OPCML: variants seen among roughly 807,000 people sequenced by gnomAD.
OPCML encodes opioid-binding protein/cell adhesion molecule.
A neutral mutation model predicts 37.8 loss-of-function variants in OPCML; 13 were observed. The observed-to-expected ratio is 0.34, with a 90% CI of 0.22 to 0.55. The LOEUF (loss-of-function observed/expected upper bound fraction) is 0.55, where lower values mean the gene tolerates loss of function less well. OPCML is among the 20% of genes least tolerant of loss of function. The pLI is 0.91. For synonymous variants in OPCML, 176 were observed against 168.8 expected (o/e 1.04, Z -0.33); for missense variants, 341 against 435.6 (o/e 0.78, Z 1.93).
At chr11:133,389,624 T>A (rs1383570646) in intron 1 of OPCML, among the ~76,000 whole-genome samples, 2 of 152,218 alleles carry the variant, frequency 1.3e-5, no homozygotes, top group Non-Finnish European at 2.9e-5. Flanking sequence ...ATACTTTGTA[T>A]CTTATTGCAC....
At chr11:133,456,760 C>T (rs539490747) in intron 1 of OPCML, among the ~76,000 whole-genome samples, 12 of 148,544 alleles carry the variant, frequency 8.1e-5, no homozygotes, top group South Asian at 2.1e-4. Context: ...AATTCTGCAG[C>T]GTGGCTGTCC....
intron 1 of OPCML, among the ~76,000 whole-genome samples, chr11:133,377,320 A>G (rs1944827514): frequency 6.6e-6 from 1 of 152,142 alleles, no homozygotes; most frequent in Non-Finnish European, 1.5e-5. Context: ...CTCTCAGCTC[A>G]AGATGTTTCC....
At chr11:132,621,906 A>C (rs949764855) in intron 3 of OPCML, among the ~76,000 whole-genome samples, 1 of 152,230 alleles carries the variant, frequency 6.6e-6, no homozygotes, top group African/African-American at 2.4e-5. Flanking sequence ...TGTAGGAGAC[A>C]TGGAATACAT....
At chr11:133,232,631 A>G (rs1455364390) in intron 1 of OPCML, among the ~76,000 whole-genome samples, 1 of 152,196 alleles carries the variant, frequency 6.6e-6, no homozygotes, top group Admixed American at 6.5e-5. Flanking sequence ...CAGCACATGC[A>G]CACACACATG....
intron 2 of OPCML, among the ~76,000 whole-genome samples, chr11:132,699,716 G>A (rs780812798): frequency 2.0e-5 from 3 of 152,002 alleles, no homozygotes; most frequent in Non-Finnish European, 4.4e-5. Context: ...TATGATGTGT[G>A]ACTCTTTTAA....
At chr11:133,413,485 AAAT>A (rs1945694271) in intron 1 of OPCML, among the ~76,000 whole-genome samples, 1 of 146,252 alleles carries the variant, frequency 6.8e-6, no homozygotes, top group African/African-American at 2.5e-5. Context: ...TAATAATAAA[AAAT>A]AAATAAATAA....
At chr11:132,572,582 G>T (rs2096441187) in intron 3 of OPCML, among the ~76,000 whole-genome samples, 3 of 151,976 alleles carry the variant, frequency 2.0e-5, no homozygotes, top group African/African-American at 7.2e-5. Context: ...TTATTTCTGG[G>T]TTCTTTATTC....
chr11:132,691,486 T>G (rs940892902), intron 2 of OPCML, among the ~76,000 whole-genome samples: 4 of 152,236 alleles, frequency 2.6e-5, no homozygotes, highest in Non-Finnish European at 5.9e-5. Flanking sequence ...TCCTTCCCAG[T>G]AGGGTAGCCT....
Position 132,420,024 on chromosome 11 carries a change from C to T in OPCML, c.*169G>A. ...CACCCCGCCCCCAACCCCACTCATT[C>T]AAGCTGGAAATAAAAGCAAACAAAC... On this transcript the variant is annotated 3_prime_UTR_variant, in exon 8 of 8. Transcript: ENST00000524381. The T allele has an allele frequency of 2.8e-5, 8 of 288,602 alleles. No homozygotes were observed. Among genetic ancestry groups the T allele is most frequent in the South Asian group, 5.9e-5 (2 of 34,056 alleles). The allele number at this position is 288,602 out of a possible 1,614,324, so 17.9% of individuals were successfully genotyped here. A position where few individuals can be genotyped will look rare whatever the true frequency, so the allele number is the denominator to read the frequency against.
chr11:133,310,991 A>G (rs974741162), intron 1 of OPCML, among the ~76,000 whole-genome samples: 2 of 152,204 alleles, frequency 1.3e-5, no homozygotes, highest in African/African-American at 4.8e-5. Flanking sequence ...AGCTTACCTG[A>G]ATATTTTAGG....
chr11:132,454,823 G>C (rs1156597462), intron 4 of OPCML, among the ~76,000 whole-genome samples: 1 of 152,096 alleles, frequency 6.6e-6, no homozygotes, highest in Non-Finnish European at 1.5e-5. Flanking sequence ...TCTGCACACA[G>C]CCAGTATGCA....
chr11:133,163,286 C>T (rs558665032), intron 1 of OPCML, among the ~76,000 whole-genome samples: 5 of 152,204 alleles, frequency 3.3e-5, no homozygotes, highest in African/African-American at 9.6e-5. Flanking sequence ...TAAAACATTC[C>T]GAGACTCTGT....
chr11:133,273,391 C>A (rs1941906220), intron 1 of OPCML, among the ~76,000 whole-genome samples: 1 of 152,088 alleles, frequency 6.6e-6, no homozygotes, highest in Non-Finnish European at 1.5e-5. Context: ...TGGCACCCAC[C>A]AAACCACACT....
intron 2 of OPCML, among the ~76,000 whole-genome samples, chr11:132,912,879 G>C (rs376377644): frequency 6.6e-6 from 1 of 152,178 alleles, no homozygotes; most frequent in Non-Finnish European, 1.5e-5. Context: ...TGGGGACTTT[G>C]AAAACAACTT....
At chr11:132,439,680 C>G (rs148080580) in intron 4 of OPCML, among the ~76,000 whole-genome samples, 1 of 142,986 alleles carries the variant, frequency 7.0e-6, no homozygotes, top group Non-Finnish European at 1.5e-5. Flanking sequence ...ATCAAAATGA[C>G]GTTCCAGACA....
Position 133,099,025 on chromosome 11 carries a change from C to T in OPCML, c.62-156015G>A, listed in dbSNP as rs144977465. Among the ~76,000 whole-genome samples, 1,012 of 152,004 alleles carry T rather than the reference C, an allele frequency of 6.7e-3. 9 individuals are homozygous for T. The highest frequency in any genetic ancestry group is 0.019 in the African/African-American group (792 of 41,458). On this transcript the variant is annotated intron_variant, in intron 1 of 7. Transcript: ENST00000524381. Reference sequence around the variant, plus strand: ...AAAATTCAATCAATTTCCTATATACCGGCAATGAACAAATGACATTTGAAA... The same window carrying T: ...AAAATTCAATCAATTTCCTATATACTGGCAATGAACAAATGACATTTGAAA...
intron 2 of OPCML, among the ~76,000 whole-genome samples, chr11:132,666,705 G>A (rs1942240684): frequency 6.6e-6 from 1 of 152,198 alleles, no homozygotes; most frequent in Non-Finnish European, 1.5e-5. Flanking sequence ...GTCTTAGATA[G>A]AAGGCAGGGC....
intron 1 of OPCML, among the ~76,000 whole-genome samples, chr11:133,058,960 C>T (rs1948291320): frequency 1.3e-5 from 2 of 152,186 alleles, no homozygotes; most frequent in African/African-American, 2.4e-5. Context: ...GGTAACTAAA[C>T]CAGAAAATGA....
rs1466628974 is a variant in OPCML, at chr11:132,903,047, C to A, written c.146+39879G>T. The stretch of plus-strand genomic sequence containing the variant: ...CATTTCCCCTGAAAACCATTTCCTA[C>A]CCCTCATACTTGTCTACATCCCCCA... On this transcript the variant is annotated intron_variant, in intron 2 of 7. Transcript: ENST00000524381. Among the ~76,000 whole-genome samples, 3 of 152,268 alleles carry A rather than the reference C, an allele frequency of 2.0e-5. No individual in the cohort carries two copies. The South Asian group carries it at 6.2e-4, about 32-fold the overall frequency.
Sources: allele counts gnomAD v4.1 joint callset (sites outside exome capture counted in the v4.1 genomes callset), GRCh38; gene constraint gnomAD v4.1.1; transcripts MANE v1.5; gene names NCBI Gene and HGNC (gene_info 2026-07-23, HGNC 2026-07-21).